Variants in FSIP1 observed in about 807,000 individuals in gnomAD.
FSIP1 encodes fibrous sheath interacting protein 1.
FSIP1 carries 65 observed loss-of-function variants against 60.9 expected under a neutral mutation model. The observed-to-expected ratio is 1.07, with a 90% confidence interval of 0.87 to 1.31. The LOEUF is 1.31. Among genes scored for constraint, FSIP1 ranks in the 40% most tolerant of loss-of-function variants. The pLI, the probability that FSIP1 is intolerant of heterozygous loss-of-function variation, is 0.00. For missense variants in FSIP1, 675 were observed against 665.5 expected (o/e 1.01, Z -0.16); for synonymous variants, 209 against 221.2 (o/e 0.94, Z 0.49).
intron 10 of FSIP1, among the ~76,000 whole-genome samples, chr15:39,696,189 A>G (rs1193191777): frequency 1.3e-5 from 2 of 152,250 alleles, no homozygotes; most frequent in Non-Finnish European, 2.9e-5. Context: ...TCAATATTGT[A>G]GAACAGTAAA....
At chr15:39,666,063 A>G (rs1179141991) in intron 10 of FSIP1, among the ~76,000 whole-genome samples, 1 of 152,214 alleles carries the variant, frequency 6.6e-6, no homozygotes, top group East Asian at 1.9e-4. Flanking sequence ...AGCAATTTGG[A>G]GCCTCTGGTT....
At chr15:39,688,606 C>G (rs982230618) in intron 10 of FSIP1, among the ~76,000 whole-genome samples, 2 of 152,226 alleles carry the variant, frequency 1.3e-5, no homozygotes, top group Admixed American at 1.3e-4. Context: ...TTCTAGAAAG[C>G]CACAAACTTT....
At chr15:39,738,340 A>G (rs574307314) in intron 7 of FSIP1, 139 bp from the exon 8 acceptor site, 130 of 571,534 alleles carry the variant, frequency 2.3e-4, no homozygotes, top group Non-Finnish European at 3.6e-4. Context: ...TTTTCTAGGT[A>G]ATTTTATTTT....
At chr15:39,726,526 G>A (rs935073527) in intron 9 of FSIP1, 63 bp downstream of exon 9, 2 of 1,563,808 alleles carry the variant, frequency 1.3e-6, no homozygotes, top group African/African-American at 2.7e-5. Flanking sequence ...CAACCAGATT[G>A]TAAAATTATG....
At chr15:39,680,615 A>G (rs1008479151) in intron 10 of FSIP1, among the ~76,000 whole-genome samples, 5 of 152,232 alleles carry the variant, frequency 3.3e-5, no homozygotes, top group African/African-American at 1.2e-4. Context: ...ATGAGCATCA[A>G]GGTACAAGGA....
At chr15:39,696,410 CA>C (rs1431675361) in intron 10 of FSIP1, among the ~76,000 whole-genome samples, 1 of 151,820 alleles carries the variant, frequency 6.6e-6, no homozygotes, top group Non-Finnish European at 1.5e-5. Context: ...TACTAGGAAC[CA>C]AAAAAATATA....
chr15:39,757,612 G>A (rs933912298), intron 5 of FSIP1, among the ~76,000 whole-genome samples: 4 of 152,026 alleles, frequency 2.6e-5, no homozygotes, highest in African/African-American at 9.7e-5. Flanking sequence ...ACAGATATGT[G>A]TGGCAATAAA....
intron 8 of FSIP1, among the ~76,000 whole-genome samples, chr15:39,734,391 T>C (rs1896532397): frequency 6.6e-6 from 1 of 152,214 alleles, no homozygotes; most frequent in African/African-American, 2.4e-5. Context: ...AAATTTTGGC[T>C]AAATTTTGTT....
intron 4 of FSIP1, 122 bp from the exon 5 acceptor site, chr15:39,764,036 T>TA: frequency 1.7e-6 from 1 of 590,820 alleles, no homozygotes; most frequent in Non-Finnish European, 3.1e-6. Context: ...AGGCTATTTT[T>TA]TTTTTTGAGG....
intron 10 of FSIP1, among the ~76,000 whole-genome samples, chr15:39,645,065 G>T (rs942736219): frequency 6.6e-6 from 1 of 152,202 alleles, no homozygotes; most frequent in Non-Finnish European, 1.5e-5. Flanking sequence ...TTAGAGAAAT[G>T]CAAATCAAAA....
chr15:39,752,090 C>T (rs1318249457), intron 5 of FSIP1, among the ~76,000 whole-genome samples: 3 of 151,812 alleles, frequency 2.0e-5, no homozygotes, highest in African/African-American at 4.8e-5. Context: ...TTCTAAATAA[C>T]GATTAGTATA....
At chr15:39,753,075 G>A (rs1897210386) in intron 5 of FSIP1, among the ~76,000 whole-genome samples, 1 of 152,238 alleles carries the variant, frequency 6.6e-6, no homozygotes, top group Middle Eastern at 3.4e-3. Flanking sequence ...AAATCTTCAT[G>A]AAGTGGATAC....
chr15:39,703,749 A>G (rs1031806590), intron 10 of FSIP1, among the ~76,000 whole-genome samples: 1 of 152,136 alleles, frequency 6.6e-6, no homozygotes, highest in African/African-American at 2.4e-5. Flanking sequence ...TAAAATTTTA[A>G]AAAATAATAA....
At chr15:39,685,441 C>A (rs1894327717) in intron 10 of FSIP1, among the ~76,000 whole-genome samples, 1 of 152,172 alleles carries the variant, frequency 6.6e-6, no homozygotes, top group Non-Finnish European at 1.5e-5. Context: ...CCATCCCCAA[C>A]AAACACACAT....
At chr15:39,780,247 G>C (rs1898207277) in intron 1 of FSIP1, among the ~76,000 whole-genome samples, 2 of 152,200 alleles carry the variant, frequency 1.3e-5, no homozygotes, top group African/African-American at 4.8e-5. Context: ...ATTTTGGCCA[G>C]GCGCGGTGGC....
chr15:39,662,072 A>C (rs62002419), intron 10 of FSIP1, among the ~76,000 whole-genome samples: 5,418 of 152,288 alleles, frequency 0.036, 126 homozygotes, highest in Middle Eastern at 0.082. Flanking sequence ...TCTAGTTTTC[A>C]GAAATACAGT....
chr15:39,705,997 CAAA>C (rs35710055), intron 10 of FSIP1, among the ~76,000 whole-genome samples: 22 of 115,420 alleles, frequency 1.9e-4, no homozygotes, highest in African/African-American at 1.2e-4. Flanking sequence ...GACTCGGTCT[CAAA>C]AAAAAAAAAA....
At chr15:39,644,780 A>C (rs1227848935) in intron 10 of FSIP1, among the ~76,000 whole-genome samples, 1 of 152,224 alleles carries the variant, frequency 6.6e-6, no homozygotes, top group East Asian at 1.9e-4. Flanking sequence ...CCTGTTTTAT[A>C]GCTGGCATCT....
chr15:39,662,585 A>G (rs1893341125), intron 10 of FSIP1, among the ~76,000 whole-genome samples: 1 of 152,142 alleles, frequency 6.6e-6, no homozygotes, highest in Non-Finnish European at 1.5e-5. Context: ...ATCAGCAGTG[A>G]GGTCTTCTCT....
Sources: allele counts gnomAD v4.1 joint callset (sites outside exome capture counted in the v4.1 genomes callset), GRCh38; gene constraint gnomAD v4.1.1; transcripts MANE v1.5; gene names NCBI Gene and HGNC (gene_info 2026-07-23, HGNC 2026-07-21).